The following MYO18B variants were observed in gnomAD, a reference collection of about 807,000 sequenced individuals.
MYO18B encodes myosin XVIIIB.
MYO18B carries 204 observed loss-of-function variants against 273.0 expected under a neutral mutation model. That is an observed-to-expected ratio of 0.75 (90% confidence interval 0.67 to 0.84). MYO18B has a LOEUF of 0.84. MYO18B is among the 40% of genes least tolerant of loss of function. The pLI, the probability that MYO18B is intolerant of heterozygous loss-of-function variation, is 0.00. For synonymous variants in MYO18B, 1,330 were observed against 1,305.7 expected, an observed-to-expected ratio of 1.02 and a Z score of -0.40; for missense variants, 3,212 against 3,287.6, an observed-to-expected ratio of 0.98 and a Z score of 0.56.
At chr22:25,792,338 C>T (rs2087699236) in intron 11 of MYO18B, among the ~76,000 whole-genome samples, 1 of 151,042 alleles carries the variant, frequency 6.6e-6, no homozygotes, top group Non-Finnish European at 1.5e-5. Flanking sequence ...CTTAAATGGA[C>T]TCTTGATGCT....
At chr22:26,023,729 T>C (rs1303335001) in intron 42 of MYO18B, among the ~76,000 whole-genome samples, 1 of 152,200 alleles carries the variant, frequency 6.6e-6, no homozygotes. Flanking sequence ...ACCCGCCTCC[T>C]TTCAGGGCCA....
In MYO18B at chr22:25,761,023, C is replaced by T. The variant is rs1296675824; in HGVS notation, c.-70C>T. On this transcript the variant is annotated 5_prime_UTR_variant, in exon 2 of 44. Transcript: ENST00000335473. ...CATGTGCTGCGTGTGTCTGTAAAGC[C>T]TCATTCCGTGCTGTCTGGCAGGAAG... The T allele has an allele frequency of 2.1e-5, 32 of 1,550,608 alleles. No homozygotes were observed. The highest frequency in any genetic ancestry group is 2.8e-5 in the Non-Finnish European group (31 of 1,124,908).
intron 36 of MYO18B, among the ~76,000 whole-genome samples, chr22:25,948,547 C>CCTTCCTTCCTTCCTTCCTTA (rs1186465496): frequency 2.7e-5 from 4 of 148,960 alleles, no homozygotes; most frequent in African/African-American, 9.9e-5. Flanking sequence ...TTCCTTCCTT[C>CCTTCCTTCCTTCCTTCCTTA]CTTTCTCTTT....
In MYO18B at chr22:25,994,838, A is replaced by G. The variant is rs149632514; in HGVS notation, c.6287+2345A>G. Among the ~76,000 whole-genome samples, 422 of 152,378 alleles carry G rather than the reference A, an allele frequency of 2.8e-3. 4 individuals are homozygous for G. The highest frequency in any genetic ancestry group is 9.9e-3 in the African/African-American group (410 of 41,584). ...ATAGAGCTTTTGCATGAATTACACC[A>G]GGAATGAATGGCTGTAGTTACAACC... On this transcript the variant is annotated intron_variant, in intron 40 of 43. Transcript: ENST00000335473.
chr22:26,032,045 C>A (rs1174063414), downstream of MYO18B, among the ~76,000 whole-genome samples: 2 of 152,198 alleles, frequency 1.3e-5, no homozygotes, highest in Admixed American at 1.3e-4. Context: ...TGGGAGAAGA[C>A]CCAGGCTCTT....
At chr22:25,795,961 C>T (rs868200216) in intron 11 of MYO18B, among the ~76,000 whole-genome samples, 5 of 152,248 alleles carry the variant, frequency 3.3e-5, no homozygotes, top group Middle Eastern at 3.4e-3. Context: ...AAGTGTTACC[C>T]GCTCTCTGGG....
intron 20 of MYO18B, among the ~76,000 whole-genome samples, chr22:25,848,089 T>A (rs1024331584): frequency 6.6e-6 from 1 of 152,132 alleles, no homozygotes; most frequent in Non-Finnish European, 1.5e-5. Flanking sequence ...GCCTGTACAC[T>A]CCTAGAAAAC....
chr22:25,881,588 T>G (rs2285196), intron 25 of MYO18B, among the ~76,000 whole-genome samples: 1 of 151,886 alleles, frequency 6.6e-6, no homozygotes, highest in Non-Finnish European at 1.5e-5. Context: ...ACTGTCAGGT[T>G]GGATTTGCCA....
chr22:25,890,726 G>A (rs372374093), intron 25 of MYO18B, 30 bp from the exon 26 acceptor site: 27 of 1,612,376 alleles, frequency 1.7e-5, no homozygotes, highest in South Asian at 3.3e-5. Flanking sequence ...TCGAGTGACC[G>A]TTCCTTGATC....
At chr22:25,913,359 T>TTTTTCTTTTC (rs57965212) in intron 33 of MYO18B, among the ~76,000 whole-genome samples, 28 of 151,310 alleles carry the variant, frequency 1.9e-4, no homozygotes, top group East Asian at 7.9e-4. Flanking sequence ...TGATTGTGGC[T>TTTTTCTTTTC]TTTTCTTTTC....
intron 12 of MYO18B, among the ~76,000 whole-genome samples, chr22:25,802,352 C>G (rs567079247): frequency 6.6e-6 from 1 of 152,224 alleles, no homozygotes; most frequent in African/African-American, 2.4e-5. Context: ...TCTCTGAACC[C>G]CATCCTTTAG....
intron 34 of MYO18B, among the ~76,000 whole-genome samples, chr22:25,945,595 C>G (rs576742995): frequency 6.6e-6 from 1 of 151,898 alleles, no homozygotes; most frequent in African/African-American, 2.4e-5. Flanking sequence ...ACATGAGGGC[C>G]GCCTGTATAT....
chr22:25,850,729 G>A (rs971024783), intron 20 of MYO18B, among the ~76,000 whole-genome samples: 4 of 151,996 alleles, frequency 2.6e-5, no homozygotes, highest in East Asian at 3.9e-4. Flanking sequence ...GCACCACCAC[G>A]ACTGGCAAAT....
chr22:26,034,775 C>T (rs1936747030), downstream of MYO18B, among the ~76,000 whole-genome samples: 1 of 152,114 alleles, frequency 6.6e-6, no homozygotes, highest in South Asian at 2.1e-4. Context: ...TAGATGAAAG[C>T]CTCAAGGTAA....
chr22:26,061,016 C>T, the MYO18B span, among the ~76,000 whole-genome samples: 1 of 152,148 alleles, frequency 6.6e-6, no homozygotes, highest in Non-Finnish European at 1.5e-5. Flanking sequence ...TACACACACA[C>T]ACACACACAC....
chr22:25,858,574 C>T (rs1176239477), intron 21 of MYO18B, among the ~76,000 whole-genome samples: 1 of 152,188 alleles, frequency 6.6e-6, no homozygotes, highest in Non-Finnish European at 1.5e-5. Flanking sequence ...CGGGTACACT[C>T]TTCTTGAACA....
rs371289967 is a variant in MYO18B at position 26,027,094 on chromosome 22, A to G, written c.7120A>G (p.Met2374Val). 9 of 1,613,912 alleles carry G rather than the reference A, an allele frequency of 5.6e-6. No homozygotes were observed. The highest frequency in any genetic ancestry group is 1.7e-5 in the Admixed American group (1 of 60,010). The change falls in exon 43 of 44, where the codon ATG becomes GTG. Residue 2374 changes from methionine to valine, a missense_variant. By Grantham distance (21) the Met-to-Val change is conservative (BLOSUM62 1). Transcript: ENST00000335473. This position sits in a 1 kb window ranked among gnomAD's most constrained non-coding sequence, Gnocchi z 4.1. ...KLSSPTTPRD[M>V]LLSPTLRPRR... ...GAGCTCTCCGACCACACCCAGGGAC[A>G]TGCTGTTGTCGCCCACACTGCGTCC...
At chr22:25,784,082 C>T (rs2087275910) in intron 10 of MYO18B, among the ~76,000 whole-genome samples, 1 of 152,206 alleles carries the variant, frequency 6.6e-6, no homozygotes. Flanking sequence ...AGGAGCACTG[C>T]CTGATTCTTG....
At chr22:26,024,524 G>A (rs567707166) in intron 42 of MYO18B, among the ~76,000 whole-genome samples, 44 of 152,220 alleles carry the variant, frequency 2.9e-4, no homozygotes, top group Non-Finnish European at 5.6e-4. Context: ...AGAGAAAGGA[G>A]GTAGCTCCTC....
Sources: gnomAD v4.1 joint callset for allele counts (sites outside exome capture counted in the v4.1 genomes callset) on GRCh38, gnomAD v4.1.1 for gene constraint, Gnocchi (gnomAD v3.1) non-coding constraint, MANE v1.5 for transcripts, NCBI Gene and HGNC (gene_info 2026-07-23, HGNC 2026-07-21) for gene names.